GTPBP6: variants seen among roughly 807,000 people sequenced by gnomAD.
The protein encoded by GTPBP6 is GTP binding protein 6.
Under a neutral mutation model 28.9 loss-of-function variants are expected in GTPBP6, and 33 were observed. That is an observed-to-expected ratio of 1.14 (90% CI 0.87 to 1.53). The LOEUF (loss-of-function observed/expected upper bound fraction) is 1.53, where lower values mean the gene tolerates loss of function less well. Among genes scored for constraint, GTPBP6 ranks in the 40% most tolerant of loss-of-function variants. GTPBP6 has a pLI of 0.00. For missense variants in GTPBP6, 507 were observed against 408.3 expected, an observed-to-expected ratio of 1.24 and a Z score of -2.08; for synonymous variants, 231 against 192.7, an observed-to-expected ratio of 1.20 and a Z score of -1.65.
In GTPBP6 at chrX:315,313, G is replaced by T. The variant is rs1255449935; in HGVS notation, c.488-14C>A. ...CTCGGATCTTTTCTAACAGAAAGAG[G>T]GGGTCCCGTCAGAGGCTGGCCGTCC... On this transcript the variant is annotated splice_polypyrimidine_tract_variant and intron_variant, in intron 2 of 9. Transcript: ENST00000326153. 2 of 398,386 alleles carry T rather than the reference G, an allele frequency of 5.0e-6. No homozygotes were observed. Among genetic ancestry groups the T allele is most frequent in the African/African-American group, 2.1e-5 (1 of 48,620 alleles). 24.7% of individuals were successfully genotyped at this position (398,386 alleles called of 1,614,324 possible).
intron 5 of GTPBP6, among the ~76,000 whole-genome samples, 182 bp downstream of exon 5, chrX:313,968 C>A (rs868163665): frequency 7.4e-6 from 1 of 134,976 alleles, no homozygotes; most frequent in Admixed American, 7.1e-5. Flanking sequence ...AGCCCCCAGC[C>A]AGCCCCCACC....
rs185153166 is a variant in GTPBP6, at chrX:312,794, C to A, written c.888G>T (p.Val296=). ...AGTTGGTGTACCCCACCACGGAGAT[C>A]ACGGGGAACTCCCGCCTCGTCCGCT... Residue 296 remains valine, a synonymous_variant, in exon 6 of 10, where the codon GTG becomes GTT. Transcript: ENST00000326153. The A allele has an allele frequency of 6.4e-4, 1,037 of 1,612,496 alleles. 4 individuals carry two copies. In the African/African-American group the frequency reaches 0.012, roughly 19 times the overall value.
Position 305,131 on chromosome X carries a change from C to T in GTPBP6, c.1494G>A (p.Val498=), listed in dbSNP as rs754550584. ...AGGCTGAGTTGCTGATGATGACCCT[C>T]ACGTCGGCCGCCCCGTCCTCAGGGA... Residue 498 remains valine, a synonymous_variant, in exon 10 of 10, where the codon GTG becomes GTA. Transcript: ENST00000326153. 7.4e-6 allele frequency: 12 copies of T among 1,613,438 alleles called. No individual in the cohort carries two copies. The African/African-American group carries it at 1.6e-4, about 22-fold the overall frequency.
intron 7 of GTPBP6, among the ~76,000 whole-genome samples, chrX:310,289 C>A (rs1241922193): frequency 6.9e-6 from 1 of 144,208 alleles, no homozygotes; most frequent in African/African-American, 2.6e-5. Flanking sequence ...AGAGGAGACA[C>A]AGACACAGAG....
chrX:305,262 T>C (rs2070132143), intron 9 of GTPBP6, 65 bp from the exon 10 acceptor site: 9 of 1,223,430 alleles, frequency 7.4e-6, no homozygotes, highest in Admixed American at 1.7e-5. Flanking sequence ...AGTTTCATGA[T>C]AAATAATTAC....
intron 6 of GTPBP6, chrX:312,016 G>T: frequency 2.0e-6 from 1 of 499,972 alleles, no homozygotes; most frequent in Non-Finnish European, 3.8e-6. Flanking sequence ...TGGTGTAGAT[G>T]GGTGGATATA....
At position 311,647 on chromosome X, in the gene GTPBP6, A is replaced by AG. The variant is rs1392294066; in HGVS notation, c.917-21dup. 1.3e-6 allele frequency: 2 copies of AG among 1,589,178 alleles called. No homozygotes were observed. Among genetic ancestry groups the AG allele is most frequent in the African/African-American group, 2.7e-5 (2 of 74,506 alleles). On this transcript the variant is annotated intron_variant, in intron 6 of 9. Coordinates refer to ENST00000326153, the Ensembl canonical transcript of GTPBP6. ...TCTTTCCTAGGAGGGCGTGGAGGTC[A>AG]GGGCGCTGCAGAGATCCCTGCGTCC...
At chrX:312,349 G>A (rs2070323790) in intron 6 of GTPBP6, 3 of 472,904 alleles carry the variant, frequency 6.3e-6, no homozygotes, top group South Asian at 1.6e-5. Context: ...GTGTAGACAG[G>A]AGGATGGTAT....
intron 7 of GTPBP6, among the ~76,000 whole-genome samples, 172 bp from the exon 8 acceptor site, chrX:308,052 C>G (rs1360276159): frequency 6.6e-6 from 1 of 151,908 alleles, no homozygotes; most frequent in African/African-American, 2.4e-5. Context: ...CCTAGACCAA[C>G]AGTGGACGCG....
intron 9 of GTPBP6, among the ~76,000 whole-genome samples, chrX:306,416 A>C (rs1471254229): frequency 6.7e-6 from 1 of 148,310 alleles, no homozygotes; most frequent in African/African-American, 2.6e-5. Context: ...TCAGAAATGT[A>C]CATTTTCACT....
chrX:306,849 G>A (rs1267590063), intron 9 of GTPBP6, among the ~76,000 whole-genome samples: 1 of 146,674 alleles, frequency 6.8e-6, no homozygotes, highest in Non-Finnish European at 1.5e-5. Flanking sequence ...TTGAGTGTCA[G>A]CACAGATTAG....
In GTPBP6 at chrX:308,909, A is replaced by G. The variant is rs766005047; in HGVS notation, c.1126-1029T>C. Among the ~76,000 whole-genome samples, 805 of 151,676 alleles carry G rather than the reference A, an allele frequency of 5.3e-3. 5 individuals carry two copies. The highest frequency in any genetic ancestry group is 0.014 in the Middle Eastern group (4 of 292). On this transcript the variant is annotated intron_variant, in intron 7 of 9. Coordinates refer to ENST00000326153, the Ensembl canonical transcript of GTPBP6. ...CGCCACCATGCCTGGCTAATTTTTT[A>G]TATTTTTAGTAGAGACGGGATTTCG...
At chrX:316,340 G>GACACACACACACAC (rs1168593634) in intron 2 of GTPBP6, among the ~76,000 whole-genome samples, 3,514 of 94,724 alleles carry the variant, frequency 0.037, 179 homozygotes, top group South Asian at 0.067. Context: ...TCCCATTGGG[G>GACACACACACACAC]ACACACACAC....
chrX:317,227 C>CG (rs1448115924), intron 1 of GTPBP6, among the ~76,000 whole-genome samples, 176 bp from the exon 2 acceptor site: 2 of 152,082 alleles, frequency 1.3e-5, no homozygotes, highest in African/African-American at 4.8e-5. Flanking sequence ...AGGAATCTGA[C>CG]GGGAGAAGGA....
chrX:305,729 A>G (rs2070148193), intron 9 of GTPBP6, among the ~76,000 whole-genome samples: 1 of 148,394 alleles, frequency 6.7e-6, no homozygotes, highest in African/African-American at 2.6e-5. Context: ...GGTTCCAGCA[A>G]TTCTCCGGCC....
intron 2 of GTPBP6, 38 bp from the exon 3 acceptor site, chrX:315,337 C>T: frequency 5.0e-6 from 2 of 398,526 alleles, no homozygotes; most frequent in Admixed American, 8.8e-5. Context: ...GGCTGGCCGT[C>T]CACACCCGTG....
In GTPBP6 at chrX:315,017, C is replaced by A. The variant is rs1460555104; in HGVS notation, c.562G>T (p.Glu188Ter). ...TCCACGCCCCAGGCGGCTTCCAGTT[C>A]TTTCTGCAAAAGGAGAGAGCAACTG... The change falls in exon 4 of 10, where the codon GAA becomes TAA. Residue 188 changes from glutamate (E) to a stop codon, truncating the protein, a stop_gained. Transcript: ENST00000326153. LOFTEE classifies it high-confidence loss of function. 2 of 398,562 alleles carry A rather than the reference C, an allele frequency of 5.0e-6. No homozygotes were observed. Among genetic ancestry groups the A allele is most frequent in the Non-Finnish European group, 8.8e-6 (2 of 226,096 alleles). 24.7% of individuals were successfully genotyped at this position (398,562 alleles called of 1,614,324 possible). A position where few individuals can be genotyped will look rare whatever the true frequency, so the allele number is the denominator to read the frequency against.
chrX:307,687 C>T lies in GTPBP6; in HGVS notation c.1274+45G>A, dbSNP rs373926296. On this transcript the variant is annotated intron_variant, in intron 8 of 9. Transcript: ENST00000326153. Reference sequence around the variant, plus strand: ...GGCATCTCCCCACCCGGCTCCAGCGCGTGCAGGGGAAGGAGACGCTTGCGG... The same window carrying T: ...GGCATCTCCCCACCCGGCTCCAGCGTGTGCAGGGGAAGGAGACGCTTGCGG... The T allele has an allele frequency of 2.5e-3, 3,636 of 1,454,842 alleles. 10 individuals carry two copies. Among genetic ancestry groups the T allele is most frequent in the Non-Finnish European group, 3.1e-3 (3,437 of 1,099,960 alleles). The allele number at this position is 1,454,842 out of a possible 1,614,324, so 90.1% of individuals were successfully genotyped here.
chrX:316,541 G>A (rs2070444059), intron 2 of GTPBP6, among the ~76,000 whole-genome samples: 1 of 152,124 alleles, frequency 6.6e-6, no homozygotes, highest in South Asian at 2.1e-4. Context: ...ATCGCATGCT[G>A]GACCCCACCC....
Sources: allele counts gnomAD v4.1 joint callset (sites outside exome capture counted in the v4.1 genomes callset), GRCh38; gene constraint gnomAD v4.1.1; transcripts MANE v1.5; gene names NCBI Gene and HGNC (gene_info 2026-07-23, HGNC 2026-07-21).